Variants in EYS observed in about 807,000 individuals in gnomAD.
The protein encoded by EYS is protein eyes shut homolog.
EYS carries 250 observed loss-of-function variants against 282.1 expected under a neutral mutation model. The observed-to-expected ratio is 0.89, with a 90% confidence interval of 0.80 to 0.98. The LOEUF is 0.98. Ranked by LOEUF, EYS falls within the 50% of genes least tolerant of loss-of-function variation. The probability of loss-of-function intolerance (pLI) is 0.00; values close to 1 mark genes in which losing one functional copy is unlikely to be tolerated. For missense variants in EYS, 4,016 were observed against 3,709.0 expected (o/e 1.08, Z -2.15); for synonymous variants, 1,355 against 1,282.9 (o/e 1.06, Z -1.20).
chr6:63,786,327 T>G (rs1770360265), intron 39 of EYS: 1 of 152,058 alleles, frequency 6.6e-6, no homozygotes, highest in African/African-American at 2.4e-5. Context: ...AAATGTGATA[T>G]CCTTACTCCA....
chr6:65,057,563 C>T (rs1773452707), intron 13 of EYS, 51 bp downstream of exon 13: 3 of 1,112,174 alleles, frequency 2.7e-6, no homozygotes, highest in Admixed American at 2.0e-5. Context: ...GACAGAAGTG[C>T]TTTTTAAAGT....
At chr6:63,865,724 C>A (rs1297842543) in intron 35 of EYS, among the ~76,000 whole-genome samples, 1 of 152,116 alleles carries the variant, frequency 6.6e-6, no homozygotes, top group South Asian at 2.1e-4. Flanking sequence ...CTTTGAATCC[C>A]CTTACTCCAA....
At chr6:64,523,267 C>G (rs1333552292) in intron 26 of EYS, among the ~76,000 whole-genome samples, 1 of 151,694 alleles carries the variant, frequency 6.6e-6, no homozygotes, top group African/African-American at 2.4e-5. Context: ...TAGGCTAAGT[C>G]AGCCAGTTTG....
At chr6:64,131,647 G>A (rs1447165964) in intron 31 of EYS, among the ~76,000 whole-genome samples, 1 of 152,154 alleles carries the variant, frequency 6.6e-6, no homozygotes, top group Non-Finnish European at 1.5e-5. Context: ...AGTGACCTGA[G>A]CTGTGAGACT....
intron 26 of EYS, among the ~76,000 whole-genome samples, chr6:64,548,646 G>A (rs1764961226): frequency 6.6e-6 from 1 of 152,112 alleles, no homozygotes; most frequent in Non-Finnish European, 1.5e-5. Flanking sequence ...CATGGACACA[G>A]GAAGGGGAAC....
At chr6:64,295,652 C>T (rs969867322) in intron 30 of EYS, among the ~76,000 whole-genome samples, 6 of 147,910 alleles carry the variant, frequency 4.1e-5, no homozygotes, top group African/African-American at 7.5e-5. Flanking sequence ...TGGCGTGAAC[C>T]GAGAAGGCGG....
intron 31 of EYS, among the ~76,000 whole-genome samples, chr6:64,122,967 T>C (rs1773639999): frequency 6.6e-6 from 1 of 152,192 alleles, no homozygotes. Context: ...GAATACCTTG[T>C]ATATTGTAAG....
chr6:64,510,431 C>T (rs72874903), intron 26 of EYS, among the ~76,000 whole-genome samples: 3 of 151,674 alleles, frequency 2.0e-5, no homozygotes, highest in Non-Finnish European at 4.4e-5. Context: ...ATATGCAGCT[C>T]TTTAAAATTG....
rs112388321 is a variant in EYS, at chr6:64,085,340, G to GCGCGCACACACACACACACA, written c.6425-3339_6425-3338insTGTGTGTGTGTGTGTGCGCG. Reference sequence around the variant, plus strand: ...CGCGCGCGCGTGCGCACGTGCGCGCGCACACACACACACACACACACACAC... The same window carrying GCGCGCACACACACACACACA: ...CGCGCGCGCGTGCGCACGTGCGCGCGCGCGCACACACACACACACACACACACACACACACACACACACAC... On this transcript the variant is annotated intron_variant, in intron 31 of 42. Coordinates refer to ENST00000503581, the MANE Select transcript of EYS (RefSeq NM_001142800.2). Among the ~76,000 whole-genome samples the GCGCGCACACACACACACACA allele has an allele frequency of 1.1e-3, 148 of 139,878 alleles. 1 individual carries two copies. Among genetic ancestry groups the GCGCGCACACACACACACACA allele is most frequent in the East Asian group, 7.0e-3 (32 of 4,588 alleles). The allele number at this position is 139,878 out of a possible 152,430, so 91.8% of individuals were successfully genotyped here. A position where few individuals can be genotyped will look rare whatever the true frequency, so the allele number is the denominator to read the frequency against.
intron 26 of EYS, among the ~76,000 whole-genome samples, chr6:64,467,156 G>A (rs1775945684): frequency 6.6e-6 from 1 of 152,230 alleles, no homozygotes; most frequent in East Asian, 1.9e-4. Flanking sequence ...ACAAAATGCT[G>A]ATATTTATTA....
At chr6:64,533,262 A>G (rs1393048483) in intron 26 of EYS, among the ~76,000 whole-genome samples, 1 of 152,192 alleles carries the variant, frequency 6.6e-6, no homozygotes, top group Non-Finnish European at 1.5e-5. Context: ...GAGATGGAGA[A>G]GTAAAAAAGA....
intron 1 of EYS, among the ~76,000 whole-genome samples, chr6:65,652,178 T>C (rs1403893236): frequency 1.3e-5 from 2 of 152,064 alleles, no homozygotes; most frequent in East Asian, 1.9e-4. Flanking sequence ...AATTGATTCA[T>C]GTGAAATAAA....
At chr6:64,607,015 G>A (rs928928612) in intron 24 of EYS, among the ~76,000 whole-genome samples, 5 of 151,594 alleles carry the variant, frequency 3.3e-5, no homozygotes, top group African/African-American at 7.3e-5. Context: ...ATTAAGGGGG[G>A]AAAAGCTTAA....
chr6:64,021,874 T>C (rs2149820024), intron 33 of EYS, among the ~76,000 whole-genome samples: 1 of 152,340 alleles, frequency 6.6e-6, no homozygotes, highest in South Asian at 2.1e-4. Context: ...ATACATATTC[T>C]TTGCATTGTG....
intron 22 of EYS, among the ~76,000 whole-genome samples, chr6:64,649,441 G>A (rs148767728): frequency 2.2e-4 from 34 of 151,998 alleles, no homozygotes; most frequent in East Asian, 1.4e-3. Context: ...GGGTTCAAGC[G>A]ATTCTCCTGC....
chr6:64,631,869 T>C (rs1767795266), intron 22 of EYS, among the ~76,000 whole-genome samples: 1 of 152,056 alleles, frequency 6.6e-6, no homozygotes, highest in African/African-American at 2.4e-5. Flanking sequence ...TGGATAATAT[T>C]TTAATTTAAA....
At chr6:64,974,629 G>A (rs529818498) in intron 14 of EYS, among the ~76,000 whole-genome samples, 14 of 151,936 alleles carry the variant, frequency 9.2e-5, no homozygotes, top group South Asian at 4.1e-4. Flanking sequence ...TTGCAGAACC[G>A]TCTCTATCTT....
At chr6:64,956,595 G>A (rs1769708352) in intron 14 of EYS, among the ~76,000 whole-genome samples, 1 of 150,506 alleles carries the variant, frequency 6.6e-6, no homozygotes, top group African/African-American at 2.5e-5. Flanking sequence ...ATCACATCAA[G>A]TTAAAAAGCT....
At chr6:63,853,588 C>T (rs1772316022) in intron 36 of EYS, among the ~76,000 whole-genome samples, 2 of 152,142 alleles carry the variant, frequency 1.3e-5, no homozygotes, top group Non-Finnish European at 2.9e-5. Context: ...AATGCTATTC[C>T]TATCAAGCTA....
Sources: allele counts gnomAD v4.1 joint callset (sites outside exome capture counted in the v4.1 genomes callset), GRCh38; gene constraint gnomAD v4.1.1; transcripts MANE v1.5; gene names NCBI Gene and HGNC (gene_info 2026-07-23, HGNC 2026-07-21).